Variants in PSME4 observed in about 807,000 individuals in gnomAD.
PSME4 encodes proteasome activator subunit 4, also known as proteasome activator complex subunit 4.
A neutral mutation model predicts 253.9 loss-of-function variants in PSME4; 89 were observed. The observed-to-expected ratio is 0.35, with a 90% CI of 0.30 to 0.42. The LOEUF is 0.42. Ranked by LOEUF, PSME4 falls within the 10% of genes least tolerant of loss-of-function variation. The probability of loss-of-function intolerance (pLI) is 1.00; values close to 1 mark genes in which losing one functional copy is unlikely to be tolerated. For missense variants in PSME4, 2,014 were observed against 2,195.2 expected (o/e 0.92, Z 1.65); for synonymous variants, 851 against 759.2 (o/e 1.12, Z -1.99).
At chr2:53,906,720 T>C in intron 25 of PSME4, 27 bp from the exon 26 acceptor site, 1 of 1,593,880 alleles carries the variant, frequency 6.3e-7, no homozygotes, top group Non-Finnish European at 8.5e-7. Flanking sequence ...AAACATTTAC[T>C]AAAATTTGAT....
rs1668379658 is a variant in PSME4 at position 53,922,664 on chromosome 2, T to C, written c.1979-80A>G. 2.2e-5 allele frequency: 33 copies of C among 1,475,842 alleles called. No individual in the cohort carries two copies. In the South Asian group the frequency reaches 4.3e-4, roughly 19 times the overall value. 91.4% of individuals were successfully genotyped at this position (1,475,842 alleles called of 1,614,324 possible). A position where few individuals can be genotyped will look rare whatever the true frequency, so the allele number is the denominator to read the frequency against. On this transcript the variant is annotated intron_variant, in intron 16 of 46. Transcript: ENST00000404125. ...AGCATTTTAAAATACTTCTATTTAA[T>C]ATTTCCAATAGCTGAGGAAAACCTC...
chr2:53,881,830 C>T (rs1394583343), intron 41 of PSME4, among the ~76,000 whole-genome samples: 1 of 152,044 alleles, frequency 6.6e-6, no homozygotes, highest in Non-Finnish European at 1.5e-5. Flanking sequence ...GTGATCTGCC[C>T]GCCTCGGTCT....
In PSME4 at chr2:53,920,315, T is replaced by A. The variant is rs770850409; in HGVS notation, c.2298A>T (p.Gly766=). 6.2e-7 allele frequency: 1 copy of A among 1,613,458 alleles called. No individual in the cohort carries two copies. Among genetic ancestry groups the A allele is most frequent in the Non-Finnish European group, 8.5e-7 (1 of 1,179,608 alleles). The change falls in exon 19 of 47, where the codon GGA becomes GGT. Residue 766 remains glycine (G), a synonymous_variant. Transcript: ENST00000404125. The stretch of plus-strand genomic sequence containing the variant: ...CTGAAGAAGGAACATGCCACTGGAT[T>A]CCCAGATTCCACAAGTCCCCGGGTT... ...WGKPGDLWNL[G]IQWHVPSSEE... is the part of the protein sequence containing the mutation.
chr2:53,920,042 A>G (rs1668225834), intron 19 of PSME4, 151 bp downstream of exon 19: 1 of 717,926 alleles, frequency 1.4e-6, no homozygotes, highest in East Asian at 2.8e-5. Flanking sequence ...TTTCTGTTAT[A>G]CAACATTATA....
intron 1 of PSME4, among the ~76,000 whole-genome samples, chr2:53,957,417 G>A (rs1174838572): frequency 1.3e-5 from 2 of 152,162 alleles, no homozygotes; most frequent in East Asian, 3.8e-4. Flanking sequence ...ATTGGGGGGT[G>A]ATGGGAGACA....
At chr2:53,907,521 T>C (rs1680715505) in intron 24 of PSME4, among the ~76,000 whole-genome samples, 1 of 152,210 alleles carries the variant, frequency 6.6e-6, no homozygotes, top group African/African-American at 2.4e-5. Flanking sequence ...GCTTACAGTA[T>C]CAATCTCTTT....
chr2:53,943,948 T>A (rs1361122351), intron 3 of PSME4, among the ~76,000 whole-genome samples: 1 of 151,844 alleles, frequency 6.6e-6, no homozygotes, highest in African/African-American at 2.4e-5. Flanking sequence ...TTAAAAAGTA[T>A]ACTTTTAGGG....
chr2:53,892,584 T>C (rs923748485), intron 36 of PSME4, among the ~76,000 whole-genome samples: 2 of 152,110 alleles, frequency 1.3e-5, no homozygotes, highest in East Asian at 1.9e-4. Flanking sequence ...TTAAATTTTT[T>C]CCCCCAATGT....
intron 9 of PSME4, among the ~76,000 whole-genome samples, chr2:53,932,429 C>T (rs772967102): frequency 3.6e-4 from 54 of 152,104 alleles, no homozygotes; most frequent in Non-Finnish European, 6.2e-4. Flanking sequence ...GCTTCTAAGG[C>T]ATTTTTGTTA....
At chr2:53,949,375 A>G (rs1669870375) in intron 1 of PSME4, 92 bp from the exon 2 acceptor site, 1 of 735,972 alleles carries the variant, frequency 1.4e-6, no homozygotes, top group Admixed American at 3.6e-5. Context: ...CAAGATGTAG[A>G]TGCAACCTGA....
intron 41 of PSME4, among the ~76,000 whole-genome samples, chr2:53,878,782 T>G (rs1679249871): frequency 6.6e-6 from 1 of 152,236 alleles, no homozygotes; most frequent in Admixed American, 6.5e-5. Context: ...CATCTCCTGA[T>G]AAGATGTTAT....
At chr2:53,954,971 G>C (rs539881627) in intron 1 of PSME4, among the ~76,000 whole-genome samples, 3 of 152,028 alleles carry the variant, frequency 2.0e-5, no homozygotes, top group African/African-American at 7.2e-5. Flanking sequence ...CTTGAGGACA[G>C]GAATTCAAGA....
chr2:53,909,587 A>C (rs1047184934), intron 21 of PSME4, among the ~76,000 whole-genome samples: 2 of 152,206 alleles, frequency 1.3e-5, no homozygotes, highest in Non-Finnish European at 2.9e-5. Context: ...TTTCTCCAGA[A>C]AAGGCAAAAA....
intron 43 of PSME4, among the ~76,000 whole-genome samples, chr2:53,872,413 A>G (rs987767289): frequency 1.3e-5 from 2 of 152,206 alleles, no homozygotes; most frequent in Non-Finnish European, 2.9e-5. Flanking sequence ...GTTGCTTTAA[A>G]AATATGATAG....
chr2:53,878,000 T>C (rs1482333195), intron 41 of PSME4, among the ~76,000 whole-genome samples: 1 of 152,196 alleles, frequency 6.6e-6, no homozygotes, highest in Non-Finnish European at 1.5e-5. Flanking sequence ...TATCATACTG[T>C]AAAAGTGAGT....
intron 13 of PSME4, 117 bp from the exon 14 acceptor site, chr2:53,925,806 A>G: frequency 7.9e-7 from 1 of 1,264,122 alleles, no homozygotes; most frequent in Non-Finnish European, 1.1e-6. Context: ...CTTAATTTCT[A>G]CGTGGTTCAC....
chr2:53,967,819 C>T (rs1350136542), intron 1 of PSME4, among the ~76,000 whole-genome samples: 1 of 152,094 alleles, frequency 6.6e-6, no homozygotes, highest in East Asian at 1.9e-4. Flanking sequence ...TGCATTTACA[C>T]TTTGGTCTTT....
intron 10 of PSME4, among the ~76,000 whole-genome samples, chr2:53,929,098 G>A (rs1480817877): frequency 6.6e-6 from 1 of 151,836 alleles, no homozygotes. Flanking sequence ...CCTGGGAGGC[G>A]GAGGTTCCAG....
At chr2:53,910,395 T>C (rs1667775143) in intron 20 of PSME4, among the ~76,000 whole-genome samples, 1 of 152,156 alleles carries the variant, frequency 6.6e-6, no homozygotes, top group African/African-American at 2.4e-5. Flanking sequence ...TATCCAATAC[T>C]CAAATGTAAA....
Sources: gnomAD v4.1 joint callset for allele counts (sites outside exome capture counted in the v4.1 genomes callset) on GRCh38, gnomAD v4.1.1 for gene constraint, MANE v1.5 for transcripts, NCBI Gene and HGNC (gene_info 2026-07-23, HGNC 2026-07-21) for gene names.